ZNF697: variants seen among roughly 807,000 people sequenced by gnomAD.
ZNF697 encodes zinc finger protein 697.
A neutral mutation model predicts 32.4 loss-of-function variants in ZNF697; 23 were observed. That is an observed-to-expected ratio of 0.71 (90% CI 0.51 to 1.01). The LOEUF is 1.01. Ranked by LOEUF, ZNF697 falls within the 50% of genes least tolerant of loss-of-function variation. The probability of loss-of-function intolerance (pLI) is 0.00; values close to 1 mark genes in which losing one functional copy is unlikely to be tolerated. For synonymous variants in ZNF697, 418 were observed against 337.2 expected (o/e 1.24, Z -2.62); for missense variants, 930 against 794.0 (o/e 1.17, Z -2.06).
At chr1:119,628,642 C>A (rs587727122) in intron 1 of ZNF697, among the ~76,000 whole-genome samples, 21 of 152,270 alleles carry the variant, frequency 1.4e-4, no homozygotes, top group African/African-American at 5.1e-4. Flanking sequence ...ATTCATGGCA[C>A]AACAACTACT....
intron 1 of ZNF697, 108 bp from the exon 2 acceptor site, chr1:119,626,245 A>G: frequency 7.1e-7 from 1 of 1,404,246 alleles, no homozygotes; most frequent in Non-Finnish European, 9.4e-7. Context: ...TCCAAGCCCC[A>G]GATGGCAAAC....
At position 119,628,388 on chromosome 1, in the gene ZNF697, C is replaced by A. The variant is rs587625262; in HGVS notation, c.-37-2251G>T. ...TTCTGATTTGTGATTTATTGGGAACCGAGACATCAGATATTAAACGTGGAA... is the reference window on the plus strand; with the variant it reads ...TTCTGATTTGTGATTTATTGGGAACAGAGACATCAGATATTAAACGTGGAA... On this transcript the variant is annotated intron_variant, in intron 1 of 2. Coordinates refer to ENST00000421812, the MANE Select transcript of ZNF697 (RefSeq NM_001080470.2). Among the ~76,000 whole-genome samples, 18 of 152,198 alleles carry A rather than the reference C, an allele frequency of 1.2e-4. No homozygotes were observed. The South Asian group carries it at 3.5e-3, about 30-fold the overall frequency.
chr1:119,647,483 C>T (rs1264679476), intron 1 of ZNF697, among the ~76,000 whole-genome samples: 2 of 152,164 alleles, frequency 1.3e-5, no homozygotes, highest in Admixed American at 1.3e-4. Flanking sequence ...GCCCCAAAGC[C>T]GCTCATTTGA....
At chr1:119,634,081 T>C (rs74653818) in intron 1 of ZNF697, among the ~76,000 whole-genome samples, 93 of 152,322 alleles carry the variant, frequency 6.1e-4, no homozygotes, top group African/African-American at 2.1e-3. Flanking sequence ...TCTGGGAAAG[T>C]TGATGCTGGA....
chr1:119,628,261 T>C lies in ZNF697; in HGVS notation c.-37-2124A>G, dbSNP rs587604158. Among the ~76,000 whole-genome samples, 252 of 151,760 alleles carry C rather than the reference T, an allele frequency of 1.7e-3. 1 individual carries two copies. The highest frequency in any genetic ancestry group is 5.8e-3 in the African/African-American group (239 of 41,358). ...CATCCTGAAGGACAGGATTTAGGAGTCCGATCTGGGAAACAGGGAGCAGGG... is the reference window on the plus strand; with the variant it reads ...CATCCTGAAGGACAGGATTTAGGAGCCCGATCTGGGAAACAGGGAGCAGGG... On this transcript the variant is annotated intron_variant, in intron 1 of 2. Transcript: ENST00000421812.
rs972037084 is a variant in ZNF697, at chr1:119,623,998, G to A, written c.345C>T (p.Ser115=). Residue 115 remains serine (S), a synonymous_variant, in exon 3 of 3, where the codon AGC becomes AGT. Transcript: ENST00000421812. ...CACTCTCGTCGTCGTCCTCCCGGAGGCTCCGGGATATGCTGTCAGACTCAG... is the reference window on the plus strand; with the variant it reads ...CACTCTCGTCGTCGTCCTCCCGGAGACTCCGGGATATGCTGTCAGACTCAG... ...GLSESDSISR[S]LREDDDESAG... is the part of the protein sequence containing the mutation. 6 of 1,612,508 alleles carry A rather than the reference G, an allele frequency of 3.7e-6. No homozygotes were observed. The African/African-American group carries it at 8.0e-5, about 22-fold the overall frequency.
chr1:119,640,737 G>A (rs772833054), intron 1 of ZNF697, among the ~76,000 whole-genome samples: 18 of 152,166 alleles, frequency 1.2e-4, no homozygotes, highest in Admixed American at 4.6e-4. Context: ...ATTAAATGAC[G>A]AATGAAGAAA....
At chr1:119,646,184 T>C (rs903742823) in intron 1 of ZNF697, among the ~76,000 whole-genome samples, 5 of 152,180 alleles carry the variant, frequency 3.3e-5, no homozygotes. Flanking sequence ...AAAAGCCATC[T>C]ATGTGTTCCT....
In ZNF697 at chr1:119,623,222, A is replaced by T; in HGVS notation, c.1121T>A (p.Ile374Asn). Residue 374 changes from isoleucine (I) to asparagine (N), a missense_variant, in exon 3 of 3, where the codon ATC becomes AAC. Ile to Asn is a moderately radical substitution (Grantham distance 149, BLOSUM62 -3). Transcript: ENST00000421812. ...GCCGTGCGGCTTCTCGCCCGTGTGG[A>T]TGCGCTGGTGGTTGGCCAGGTGCGA... ...RRSHLANHQR[I>N]HTGEKPHGCG... 1 of 1,572,762 alleles carries T rather than the reference A, an allele frequency of 6.4e-7. No individual in the cohort carries two copies. The highest frequency in any genetic ancestry group is 8.6e-7 in the Non-Finnish European group (1 of 1,160,134).
rs1371420917 is a variant in ZNF697, at chr1:119,623,255, A to T, written c.1088T>A (p.Val363Glu). 1 of 1,546,148 alleles carries T rather than the reference A, an allele frequency of 6.5e-7. No homozygotes were observed. The highest frequency in any genetic ancestry group is 1.4e-5 in the African/African-American group (1 of 71,262). The stretch of plus-strand genomic sequence containing the variant: ...GTGGTTGGCCAGGTGCGAACGGCGC[A>T]CGAAGCCCTTGCCGCACTCCCCGCA... The part of the protein sequence containing the change: ...FACGECGKGF[V>E]RRSHLANHQR... The change falls in exon 3 of 3, where the codon GTG becomes GAG. Residue 363 changes from valine to glutamate, a missense_variant. By Grantham distance (121) the Val-to-Glu change is moderately radical. Coordinates refer to ENST00000421812, the MANE Select transcript of ZNF697 (RefSeq NM_001080470.2).
intron 1 of ZNF697, among the ~76,000 whole-genome samples, chr1:119,633,871 G>A (rs1409456139): frequency 1.5e-5 from 2 of 130,940 alleles, no homozygotes; most frequent in Non-Finnish European, 3.4e-5. Context: ...GGATGGCAGG[G>A]AAAAATCAAG....
rs1242268847 is a variant in ZNF697 at position 119,623,447 on chromosome 1, C to G, written c.896G>C (p.Ser299Thr). Residue 299 changes from serine to threonine, a missense_variant, in exon 3 of 3, where the codon AGC (serine) becomes ACC (threonine). Transcript: ENST00000421812. ...NLCADCGKSF[S>T]WRADLLKHRR... is the part of the protein sequence containing the mutation. ...GTGCTTGAGCAGGTCGGCGCGCCAG[C>G]TGAAGCTCTTGCCGCAGTCGGCGCA... 6.4e-7 allele frequency: 1 copy of G among 1,554,926 alleles called. No homozygotes were observed. The highest frequency in any genetic ancestry group is 8.7e-7 in the Non-Finnish European group (1 of 1,152,046).
rs1186994277 is a variant in ZNF697, at chr1:119,619,795, T to C, written c.*2910A>G. 6.6e-6 allele frequency: 1 copy of C among 152,608 alleles called. No homozygotes were observed. Among genetic ancestry groups the C allele is most frequent in the Non-Finnish European group, 1.5e-5 (1 of 68,036 alleles). The allele number at this position is 152,608 out of a possible 1,614,324, so 9.5% of individuals were successfully genotyped here. ...TTCCAACTCGGAGCTCAAGATTTAA[T>C]CAAAACCATTTAGCCTATTTAAATT... On this transcript the variant is annotated 3_prime_UTR_variant, in exon 3 of 3. Transcript: ENST00000421812.
chr1:119,639,537 GT>G (rs1649009992), intron 1 of ZNF697, among the ~76,000 whole-genome samples: 3 of 152,176 alleles, frequency 2.0e-5, no homozygotes, highest in African/African-American at 7.2e-5. Context: ...CAAAGCATGG[GT>G]TACAGTCTGT....
chr1:119,630,910 G>A (rs1195374042), intron 1 of ZNF697, among the ~76,000 whole-genome samples: 2 of 152,170 alleles, frequency 1.3e-5, no homozygotes, highest in African/African-American at 2.4e-5. Flanking sequence ...TGGGAAGATC[G>A]GGGAGGGTAA....
intron 1 of ZNF697, 25 bp from the exon 2 acceptor site, chr1:119,626,162 G>A (rs1648580432): frequency 1.9e-6 from 3 of 1,605,694 alleles, no homozygotes; most frequent in Non-Finnish European, 8.5e-7. Flanking sequence ...CACAAAGAAA[G>A]GTCACGTCAG....
intron 1 of ZNF697, among the ~76,000 whole-genome samples, chr1:119,627,661 G>A (rs949578514): frequency 6.6e-6 from 1 of 152,140 alleles, no homozygotes; most frequent in Non-Finnish European, 1.5e-5. Context: ...GAGAGACGAT[G>A]ATGCGCTCCC....
chr1:119,628,046 C>T (rs1039760849), intron 1 of ZNF697, among the ~76,000 whole-genome samples: 32 of 122,770 alleles, frequency 2.6e-4, no homozygotes, highest in African/African-American at 1.0e-3. Flanking sequence ...TAGTGGAAAA[C>T]AGTGCAGGCG....
intron 1 of ZNF697, among the ~76,000 whole-genome samples, chr1:119,632,107 C>A (rs1648797257): frequency 6.6e-6 from 1 of 152,176 alleles, no homozygotes; most frequent in Non-Finnish European, 1.5e-5. Context: ...GGGGATATGA[C>A]CATCAAGGTC....
Sources: gnomAD v4.1 joint callset for allele counts (sites outside exome capture counted in the v4.1 genomes callset) on GRCh38, gnomAD v4.1.1 for gene constraint, MANE v1.5 for transcripts, NCBI Gene and HGNC (gene_info 2026-07-23, HGNC 2026-07-21) for gene names.